Variants in ANO1 observed in about 807,000 individuals in gnomAD.
ANO1 encodes anoctamin-1.
A neutral mutation model predicts 124.0 loss-of-function variants in ANO1; 59 were observed. The ratio of observed to expected loss-of-function variants is 0.48; its 90% CI spans 0.39 to 0.59. ANO1 has a LOEUF of 0.59. Among genes scored for constraint, ANO1 ranks in the 20% least tolerant of loss-of-function variants. ANO1 has a pLI of 0.00. For synonymous variants in ANO1, 529 were observed against 532.0 expected (o/e 0.99, Z 0.08); for missense variants, 1,059 against 1,328.0 (o/e 0.80, Z 3.15).
At chr11:70,003,572 A>G (rs1856424225) in intron 1 of ANO1, among the ~76,000 whole-genome samples, 1 of 134,128 alleles carries the variant, frequency 7.5e-6, no homozygotes. Flanking sequence ...CTGGGGCTTA[A>G]TAAATTGTTG....
intron 2 of ANO1, among the ~76,000 whole-genome samples, chr11:70,091,820 C>T (rs1380693491): frequency 2.0e-5 from 3 of 152,210 alleles, no homozygotes. Context: ...CCCTATGCCC[C>T]GTGCGTGCCT....
At position 70,124,466 on chromosome 11, in the gene ANO1, C is replaced by T. The variant is rs184131192; in HGVS notation, c.962+52C>T. 2.7e-5 allele frequency: 42 copies of T among 1,557,822 alleles called. 3 individuals carry two copies. The South Asian group carries it at 3.7e-4, about 14-fold the overall frequency. ...ATCAAGTCCCTACTCCGATGGCAGT[C>T]GGATAACATCCCTGTGGGTTTCAAC... On this transcript the variant is annotated intron_variant, in intron 9 of 25. Coordinates refer to ENST00000355303, the MANE Select transcript of ANO1 (RefSeq NM_018043.7).
rs1555002302 is a variant in ANO1 at position 70,018,867 on chromosome 11, G to A, written c.58+32701G>A. Among the ~76,000 whole-genome samples the A allele has an allele frequency of 2.0e-5, 3 of 152,212 alleles. No homozygotes were observed. In the East Asian group the frequency reaches 5.8e-4, roughly 29 times the overall value. Reference sequence around the variant, plus strand: ...AATATTTACTGAGGACCTGCTAAGTGCTGGGCATGGAGCTCAGTACCGGGG... The same window carrying A: ...AATATTTACTGAGGACCTGCTAAGTACTGGGCATGGAGCTCAGTACCGGGG... On this transcript the variant is annotated intron_variant, in intron 1 of 27. Coordinates refer to the ANO1 transcript ENST00000531349.
intron 24 of ANO1, among the ~76,000 whole-genome samples, chr11:70,183,464 C>T (rs796067859): frequency 1.3e-5 from 2 of 152,286 alleles, no homozygotes; most frequent in African/African-American, 4.8e-5. Flanking sequence ...GAGGGGGGCT[C>T]TCCTTGGCTT....
At chr11:70,053,212 A>G (rs1402887982) in intron 1 of ANO1, among the ~76,000 whole-genome samples, 6 of 152,202 alleles carry the variant, frequency 3.9e-5, no homozygotes, top group Non-Finnish European at 8.8e-5. Context: ...TTTCAAAATC[A>G]TGCTTTTGGG....
intron 16 of ANO1, among the ~76,000 whole-genome samples, chr11:70,159,162 G>T (rs1386464912): frequency 6.6e-6 from 1 of 152,144 alleles, no homozygotes; most frequent in Non-Finnish European, 1.5e-5. Context: ...CCTAGGAGTG[G>T]GTCCCCTCTT....
intron 1 of ANO1, among the ~76,000 whole-genome samples, chr11:70,021,859 C>A (rs1169608475): frequency 1.3e-5 from 2 of 152,140 alleles, no homozygotes; most frequent in African/African-American, 4.8e-5. Flanking sequence ...CAGGAGCGTG[C>A]GAACTGAATC....
intron 1 of ANO1, among the ~76,000 whole-genome samples, chr11:70,040,544 C>A (rs973033693): frequency 6.6e-6 from 1 of 152,288 alleles, no homozygotes; most frequent in African/African-American, 2.4e-5. Flanking sequence ...GGCATGGTGG[C>A]ACGCACCTGC....
chr11:70,157,458 GC>G (rs2047865839), intron 16 of ANO1, among the ~76,000 whole-genome samples: 2 of 151,802 alleles, frequency 1.3e-5, no homozygotes, highest in African/African-American at 4.8e-5. Context: ...GGGTGCGCCG[GC>G]CCCATCTCCT....
rs1196309401 is a variant in ANO1 at position 70,155,980 on chromosome 11, G to A, written c.1495G>A (p.Val499Met). 2 of 1,524,208 alleles carry A rather than the reference G, an allele frequency of 1.3e-6. No individual in the cohort carries two copies. Among genetic ancestry groups the A allele is most frequent in the Non-Finnish European group, 1.8e-6 (2 of 1,136,292 alleles). 94.4% of individuals were successfully genotyped at this position (1,524,208 alleles called of 1,614,324 possible). Residue 499 changes from valine (V) to methionine (M), a missense_variant, in exon 15 of 26, where the codon GTG (valine) becomes ATG (methionine). Val to Met is a conservative substitution (Grantham distance 21, BLOSUM62 1). This residue lies in a region of ANO1 where 809 missense variants were observed against 1,094.9 expected (regional missense o/e 0.74). Coordinates refer to ENST00000355303, the MANE Select transcript of ANO1 (RefSeq NM_018043.7). Reference protein sequence around the residue: ...KQRVKTAMAGVKLTDKVKLTW... With the variant: ...KQRVKTAMAGMKLTDKVKLTW... ...GAGGGTTAAGACAGCCATGGCGGGGGTGAAATTGGTACTTTTCTATTTTGC... is the reference window on the plus strand; with the variant it reads ...GAGGGTTAAGACAGCCATGGCGGGGATGAAATTGGTACTTTTCTATTTTGC...
At chr11:70,035,095 C>T (rs970551688) in intron 1 of ANO1, among the ~76,000 whole-genome samples, 1 of 152,098 alleles carries the variant, frequency 6.6e-6, no homozygotes, top group Non-Finnish European at 1.5e-5. Context: ...CCCTCTTGGC[C>T]AAGCCTCCTT....
At chr11:70,107,542 C>T (rs2078207) in intron 5 of ANO1, among the ~76,000 whole-genome samples, 76,634 of 129,462 alleles carry the variant, frequency 0.59, 23,724 homozygotes, top group East Asian at 0.63. Flanking sequence ...ACTGGAAGGA[C>T]GCTGGCCTTG....
intron 2 of ANO1, among the ~76,000 whole-genome samples, chr11:70,096,342 C>T (rs2044958107): frequency 6.6e-6 from 1 of 152,176 alleles, no homozygotes; most frequent in Admixed American, 6.5e-5. Context: ...TTCTCTCCTC[C>T]TCCTCTGCTG....
chr11:70,175,166 G>A (rs962479489), intron 22 of ANO1, among the ~76,000 whole-genome samples: 1 of 152,238 alleles, frequency 6.6e-6, no homozygotes, highest in Non-Finnish European at 1.5e-5. Context: ...GCTTCCCGCA[G>A]TCCCTCTGCA....
intron 11 of ANO1, among the ~76,000 whole-genome samples, chr11:70,144,974 G>A (rs1455300960): frequency 6.6e-6 from 1 of 152,202 alleles, no homozygotes. Context: ...CGTGTCCAGC[G>A]CCTGGCAGCA....
chr11:69,987,595 A>G (rs1856069483), intron 1 of ANO1, among the ~76,000 whole-genome samples: 1 of 128,080 alleles, frequency 7.8e-6, no homozygotes, highest in Non-Finnish European at 1.6e-5. Flanking sequence ...ACAGAGCAAG[A>G]CCATGTCTCA....
At chr11:70,151,904 AAACCATGG>A (rs1565253378) in intron 12 of ANO1, among the ~76,000 whole-genome samples, 1 of 152,180 alleles carries the variant, frequency 6.6e-6, no homozygotes, top group Non-Finnish European at 1.5e-5. Context: ...GGAATTTCCA[AAACCATGG>A]GAAAGGCCAC....
Position 70,163,585 on chromosome 11 carries a change from C to T in ANO1, c.1950+245C>T, listed in dbSNP as rs2048138224. On this transcript the variant is annotated intron_variant, in intron 19 of 25. Transcript: ENST00000355303. ...CTGTAGAGTTAATGAAAGAAAAACA[C>T]AACATCTGGTTTTCTTTTCTTTTTT... The T allele has an allele frequency of 8.3e-6, 5 of 605,678 alleles. No homozygotes were observed. The Admixed American group carries it at 1.3e-4, about 15-fold the overall frequency. The allele number at this position is 605,678 out of a possible 1,614,324, so 37.5% of individuals were successfully genotyped here. A position where few individuals can be genotyped will look rare whatever the true frequency, so the allele number is the denominator to read the frequency against.
intron 8 of ANO1, among the ~76,000 whole-genome samples, chr11:70,123,276 T>C (rs551370863): frequency 7.7e-4 from 118 of 152,308 alleles, no homozygotes; most frequent in African/African-American, 2.2e-3. Context: ...GGCCCCTCTA[T>C]GGATCTCAGG....
Sources: allele counts gnomAD v4.1 joint callset (sites outside exome capture counted in the v4.1 genomes callset), GRCh38; gene constraint gnomAD v4.1.1; regional missense constraint gnomAD v4.1.1; transcripts MANE v1.5; gene names NCBI Gene and HGNC (gene_info 2026-07-23, HGNC 2026-07-21).